CADM2: variants seen among roughly 807,000 people sequenced by gnomAD.
CADM2 encodes the protein immunoglobulin superfamily member 4D.
CADM2 carries 12 observed loss-of-function variants against 49.8 expected under a neutral mutation model. The ratio of observed to expected loss-of-function variants is 0.24; its 90% confidence interval spans 0.15 to 0.39. The LOEUF is 0.39. CADM2 is among the 10% of genes least tolerant of loss of function. The probability of loss-of-function intolerance (pLI) is 1.00; values close to 1 mark genes in which losing one functional copy is unlikely to be tolerated. For synonymous variants in CADM2, 214 were observed against 175.4 expected (o/e 1.22, Z -1.74); for missense variants, 378 against 492.3 (o/e 0.77, Z 2.20).
At chr3:85,863,181 G>A (rs1670960528) in intron 3 of CADM2, among the ~76,000 whole-genome samples, 1 of 152,154 alleles carries the variant, frequency 6.6e-6, no homozygotes, top group Admixed American at 6.6e-5. Context: ...TGATAGGCAT[G>A]AATAGGGGAG....
In CADM2 at chr3:85,323,663, ACCAGAATAT is replaced by A. The variant is rs370928925; in HGVS notation, c.61+363999_61+364007del. On this transcript the variant is annotated intron_variant, in intron 1 of 9. Coordinates refer to ENST00000383699, the MANE Select transcript of CADM2 (RefSeq NM_001167675.2). Reference sequence around the variant, plus strand: ...ATTATCTCTGGATCCCATACTCACCACCAGAATATCCAATTACAAAATCATATCAATTCT... The same window carrying A: ...ATTATCTCTGGATCCCATACTCACCACCAATTACAAAATCATATCAATTCT... Among the ~76,000 whole-genome samples the A allele has an allele frequency of 2.7e-3, 406 of 152,272 alleles. 2 individuals carry two copies. The highest frequency in any genetic ancestry group is 9.3e-3 in the African/African-American group (388 of 41,556).
chr3:85,299,722 A>C (rs2106981774), intron 1 of CADM2, among the ~76,000 whole-genome samples: 1 of 151,928 alleles, frequency 6.6e-6, no homozygotes, highest in Admixed American at 6.6e-5. Context: ...CAATTCACTG[A>C]TTTTTCTCTT....
At chr3:85,775,103 G>C (rs2070296295) in intron 2 of CADM2, among the ~76,000 whole-genome samples, 1 of 151,588 alleles carries the variant, frequency 6.6e-6, no homozygotes, top group South Asian at 2.1e-4. Context: ...AAAATAAGGA[G>C]TGAACAAAAT....
chr3:85,053,151 A>T (rs980236369), intron 1 of CADM2, among the ~76,000 whole-genome samples: 3 of 152,088 alleles, frequency 2.0e-5, no homozygotes, highest in Non-Finnish European at 4.4e-5. Context: ...AAATTATTTA[A>T]CTTATATAAT....
At chr3:85,330,995 G>A (rs1298558767) in intron 1 of CADM2, among the ~76,000 whole-genome samples, 1 of 151,918 alleles carries the variant, frequency 6.6e-6, no homozygotes, top group African/African-American at 2.4e-5. Flanking sequence ...TATTTAGAAC[G>A]TTTATGGATA....
intron 1 of CADM2, among the ~76,000 whole-genome samples, chr3:85,389,830 A>G (rs1053949223): frequency 6.6e-6 from 1 of 152,094 alleles, no homozygotes; most frequent in Non-Finnish European, 1.5e-5. Context: ...TATTCATTTG[A>G]TATTTGCAAA....
In CADM2 at chr3:85,543,427, T is replaced by TGGGG. The variant is rs1553739554; in HGVS notation, c.62-183094_62-183093insGGGG. ...CGCCACCATGCCAAGCTAATGTGTG[T>TGGGG]GTGTGTGTGTGTGTGTGTGTGTGTG... On this transcript the variant is annotated intron_variant, in intron 1 of 9. Transcript: ENST00000383699. Among the ~76,000 whole-genome samples, 114 of 53,308 alleles carry TGGGG rather than the reference T, an allele frequency of 2.1e-3. 3 individuals carry two copies. Among genetic ancestry groups the TGGGG allele is most frequent in the East Asian group, 8.3e-3 (5 of 600 alleles). 35.0% of individuals were successfully genotyped at this position (53,308 alleles called of 152,430 possible).
intron 6 of CADM2, among the ~76,000 whole-genome samples, chr3:85,912,820 G>A (rs1559738258): frequency 6.6e-6 from 1 of 152,042 alleles, no homozygotes; most frequent in Non-Finnish European, 1.5e-5. Context: ...CGTAAGGGTG[G>A]GGGAGAAAAA....
At chr3:85,432,010 T>C (rs2036703339) in intron 1 of CADM2, among the ~76,000 whole-genome samples, 1 of 148,956 alleles carries the variant, frequency 6.7e-6, no homozygotes, top group Admixed American at 6.8e-5. Flanking sequence ...AATGACATGA[T>C]CTCTTGAATG....
chr3:85,558,727 A>C (rs1042670357), intron 1 of CADM2, among the ~76,000 whole-genome samples: 3 of 152,074 alleles, frequency 2.0e-5, no homozygotes, highest in Admixed American at 1.3e-4. Flanking sequence ...TTGAAAAGCT[A>C]TCCCAATATT....
intron 5 of CADM2, among the ~76,000 whole-genome samples, chr3:85,890,526 T>G (rs1218500285): frequency 1.3e-5 from 2 of 152,138 alleles, no homozygotes; most frequent in Non-Finnish European, 2.9e-5. Flanking sequence ...AGGGCTAGTT[T>G]ATAGGGAAGG....
chr3:85,621,624 CAA>C (rs1226240668), intron 1 of CADM2, among the ~76,000 whole-genome samples: 1 of 152,106 alleles, frequency 6.6e-6, no homozygotes, highest in Non-Finnish European at 1.5e-5. Flanking sequence ...AAAAGAGACT[CAA>C]GTTTATTCTG....
In CADM2 at chr3:86,015,126, A is replaced by G. The variant is rs78499031; in HGVS notation, c.971-50479A>G. On this transcript the variant is annotated intron_variant, in intron 8 of 9. Transcript: ENST00000383699. Reference sequence around the variant, plus strand: ...CAAAACCATCGAAAATACCTAGGAGAGTTTTAAAAATAGGCCTTCTTATAT... The same window carrying G: ...CAAAACCATCGAAAATACCTAGGAGGGTTTTAAAAATAGGCCTTCTTATAT... The G allele has an allele frequency of 5.6e-3, 2,941 of 525,892 alleles. 63 individuals carry two copies. The highest frequency in any genetic ancestry group is 0.052 in the African/African-American group (2,669 of 50,940). 32.6% of individuals were successfully genotyped at this position (525,892 alleles called of 1,614,324 possible).
intron 1 of CADM2, among the ~76,000 whole-genome samples, chr3:85,601,130 G>GTGTGTGTGTGTATA (rs1328015269): frequency 2.7e-5 from 3 of 109,630 alleles, no homozygotes; most frequent in African/African-American, 1.2e-4. Flanking sequence ...ATATATGTGT[G>GTGTGTGTGTGTATA]TATATATATA....
intron 7 of CADM2, among the ~76,000 whole-genome samples, chr3:85,954,714 T>G (rs1723835163): frequency 6.6e-6 from 1 of 151,222 alleles, no homozygotes; most frequent in Admixed American, 6.6e-5. Flanking sequence ...TTAAATCTTT[T>G]ACTTGAACAA....
chr3:85,845,834 G>T (rs913956633), intron 3 of CADM2, among the ~76,000 whole-genome samples: 30 of 152,154 alleles, frequency 2.0e-4, no homozygotes, highest in African/African-American at 7.0e-4. Context: ...ATGGTGTTTA[G>T]AAATCTGAAT....
chr3:85,810,821 T>C (rs1376430142), intron 3 of CADM2, among the ~76,000 whole-genome samples: 1 of 152,166 alleles, frequency 6.6e-6, no homozygotes, highest in African/African-American at 2.4e-5. Flanking sequence ...ATTACAGGCG[T>C]GAACCACCAT....
intron 1 of CADM2, among the ~76,000 whole-genome samples, chr3:85,719,511 G>T (rs1041983320): frequency 2.0e-5 from 3 of 152,130 alleles, no homozygotes; most frequent in Admixed American, 6.5e-5. Flanking sequence ...ATCATGTACT[G>T]TATTCTTAAA....
chr3:85,220,580 T>C (rs1415081475), intron 1 of CADM2, among the ~76,000 whole-genome samples: 3 of 152,158 alleles, frequency 2.0e-5, no homozygotes, highest in South Asian at 2.1e-4. Context: ...ATTGGCCACA[T>C]TGACCATACT....
Sources: allele counts gnomAD v4.1 joint callset (sites outside exome capture counted in the v4.1 genomes callset), GRCh38; gene constraint gnomAD v4.1.1; transcripts MANE v1.5; gene names NCBI Gene and HGNC (gene_info 2026-07-23, HGNC 2026-07-21).